The following HTT-AS variants were observed in gnomAD, a reference collection of about 807,000 sequenced individuals.
HTT-AS encodes the protein HTT antisense RNA (head to head).
intron 1 of HTT-AS, among the ~76,000 whole-genome samples, chr4:3,072,285 C>T (rs146435484): frequency 6.6e-6 from 1 of 152,368 alleles, no homozygotes; most frequent in Admixed American, 6.5e-5. Context: ...GCCTGTTGGC[C>T]AGAGGCCGCC....
chr4:3,050,073 T>G (rs1042072797), intron 2 of HTT-AS, among the ~76,000 whole-genome samples: 4 of 152,074 alleles, frequency 2.6e-5, no homozygotes, highest in African/African-American at 9.7e-5. Flanking sequence ...TTACTTTATC[T>G]TTTCCATGAT....
intron 2 of HTT-AS, among the ~76,000 whole-genome samples, chr4:3,050,279 T>C (rs1250299011): frequency 1.3e-5 from 2 of 152,242 alleles, no homozygotes; most frequent in Admixed American, 6.5e-5. Flanking sequence ...ACTTAGACCA[T>C]GGATTTCATT....
In HTT-AS at chr4:3,051,262, T is replaced by G. The variant is rs113970805; in HGVS notation, n.1381-1564A>C. ...GTATTTTTAGTAGAGACGGGGTTTC[T>G]CCACGTTGGTCAGGCTGGTCTCGAA... On this transcript the variant is annotated intron_variant and non_coding_transcript_variant, in intron 2 of 2. Transcript: ENST00000664062. 5.0e-3 allele frequency among the ~76,000 whole-genome samples: 758 copies of G among 152,176 alleles called. 3 individuals are homozygous for G. The highest frequency in any genetic ancestry group is 7.9e-3 in the Non-Finnish European group (538 of 68,012).
intron 1 of HTT-AS, among the ~76,000 whole-genome samples, chr4:3,073,920 A>C (rs1195020009): frequency 6.6e-6 from 1 of 152,036 alleles, no homozygotes; most frequent in Admixed American, 6.5e-5. Context: ...ACCTCGGCTC[A>C]GAGTCCACGG....
intron 2 of HTT-AS, among the ~76,000 whole-genome samples, chr4:3,051,033 TGTGTG>T (rs1357901597): frequency 2.4e-5 from 2 of 83,218 alleles, no homozygotes; most frequent in African/African-American, 1.2e-4. Flanking sequence ...TTACAATTTG[TGTGTG>T]TGTGTGTGTG....
downstream of HTT-AS, among the ~76,000 whole-genome samples, chr4:3,046,809 T>G (rs1711592317): frequency 6.6e-6 from 1 of 152,204 alleles, no homozygotes; most frequent in Non-Finnish European, 1.5e-5. Context: ...CATGAGTGAC[T>G]CCATTTTTGT....
intron 2 of HTT-AS, among the ~76,000 whole-genome samples, chr4:3,054,359 A>G (rs1031620118): frequency 6.6e-6 from 1 of 152,150 alleles, no homozygotes; most frequent in Non-Finnish European, 1.5e-5. Flanking sequence ...TTGTTAAAGG[A>G]TTTGTGAAAT....
rs374123549 is a variant in HTT-AS at position 3,059,589 on chromosome 4, A to AT, written n.1380+2844dup. On this transcript the variant is annotated intron_variant and non_coding_transcript_variant, in intron 2 of 2. Transcript: ENST00000664062. The stretch of plus-strand genomic sequence containing the variant: ...TATTTTTGGACATTGAGGTTGTTTC[A>AT]TTTTTTTTTTCTTTTTTTGAGACAG... 7.7e-3 allele frequency among the ~76,000 whole-genome samples: 1,139 copies of AT among 147,860 alleles called. 10 individuals carry two copies. The highest frequency in any genetic ancestry group is 9.8e-3 in the Non-Finnish European group (651 of 66,644).
downstream of HTT-AS, among the ~76,000 whole-genome samples, chr4:3,046,881 T>C (rs1179121463): frequency 2.0e-5 from 3 of 152,220 alleles, no homozygotes; most frequent in East Asian, 5.8e-4. Flanking sequence ...CTCCCATAAT[T>C]TTATTTTAAT....
At chr4:3,073,856 G>A (rs533218574) in intron 1 of HTT-AS, among the ~76,000 whole-genome samples, 2 of 152,298 alleles carry the variant, frequency 1.3e-5, no homozygotes, top group South Asian at 4.1e-4. Flanking sequence ...GGCTGTCCGG[G>A]TGAGTATGGC....
At chr4:3,049,317 G>A (rs1261136317) in exon 3 of HTT-AS, among the ~76,000 whole-genome samples, 2 of 152,100 alleles carry the variant, frequency 1.3e-5, no homozygotes, top group Non-Finnish European at 2.9e-5. Flanking sequence ...CCAGCTACTC[G>A]GAAGGCTGAG....
At chr4:3,058,172 A>C (rs9685822) in intron 2 of HTT-AS, among the ~76,000 whole-genome samples, 2 of 151,846 alleles carry the variant, frequency 1.3e-5, no homozygotes, top group Admixed American at 6.6e-5. Context: ...ACTAAAAATA[A>C]AAAATTAGCT....
intron 1 of HTT-AS, among the ~76,000 whole-genome samples, chr4:3,073,422 C>T (rs1418593775): frequency 6.6e-6 from 1 of 152,226 alleles, no homozygotes; most frequent in Non-Finnish European, 1.5e-5. Flanking sequence ...GAGGGGGTGC[C>T]CCACAGACCT....
intron 1 of HTT-AS, among the ~76,000 whole-genome samples, chr4:3,070,665 G>A (rs959449480): frequency 1.3e-5 from 2 of 152,046 alleles, no homozygotes; most frequent in African/African-American, 2.4e-5. Context: ...GTGTGTAGTC[G>A]GCTAGCATGT....
At chr4:3,072,409 C>T (rs531203451) in intron 1 of HTT-AS, among the ~76,000 whole-genome samples, 8 of 152,338 alleles carry the variant, frequency 5.3e-5, no homozygotes, top group African/African-American at 1.7e-4. Context: ...CCTTTTGCGA[C>T]CTAGTCATGG....
chr4:3,062,025 TATGCA>T (rs1307027494), intron 2 of HTT-AS, among the ~76,000 whole-genome samples: 4 of 128,536 alleles, frequency 3.1e-5, no homozygotes, highest in Non-Finnish European at 6.5e-5. Context: ...AGAGAGAGAA[TATGCA>T]TCTATCTCAG....
intron 2 of HTT-AS, among the ~76,000 whole-genome samples, chr4:3,061,065 C>T (rs1376510860): frequency 5.3e-5 from 8 of 152,266 alleles, no homozygotes; most frequent in Middle Eastern, 3.4e-3. Flanking sequence ...AACCCCACTC[C>T]GTGTGTATCT....
intron 1 of HTT-AS, among the ~76,000 whole-genome samples, chr4:3,068,798 G>A (rs1560532333): frequency 1.3e-5 from 2 of 152,044 alleles, no homozygotes; most frequent in Admixed American, 1.3e-4. Flanking sequence ...GAGATTACAG[G>A]TGCCTGGCAC....
chr4:3,069,823 C>T (rs1437531167), intron 1 of HTT-AS, among the ~76,000 whole-genome samples: 4 of 152,204 alleles, frequency 2.6e-5, no homozygotes, highest in African/African-American at 9.6e-5. Context: ...CTGTTTTGCC[C>T]TCACACCTGC....
Sources: allele counts gnomAD v4.1 joint callset (sites outside exome capture counted in the v4.1 genomes callset), GRCh38; gene constraint gnomAD v4.1.1; transcripts MANE v1.5; gene names NCBI Gene and HGNC (gene_info 2026-07-23, HGNC 2026-07-21).